The following MRTFB variants were observed in gnomAD, a reference collection of about 807,000 sequenced individuals.
MRTFB encodes the protein myocardin-related transcription factor B.
A neutral mutation model predicts 104.2 loss-of-function variants in MRTFB; 29 were observed. That is an observed-to-expected ratio of 0.28 (90% confidence interval 0.21 to 0.38). MRTFB has a LOEUF of 0.38. Among genes scored for constraint, MRTFB ranks in the 10% least tolerant of loss-of-function variants. MRTFB has a pLI of 1.00. For missense variants in MRTFB, 1,270 were observed against 1,341.6 expected, an observed-to-expected ratio of 0.95 and a Z score of 0.83; for synonymous variants, 535 against 519.5, an observed-to-expected ratio of 1.03 and a Z score of -0.41.
chr16:14,030,913 G>C, the MRTFB span, among the ~76,000 whole-genome samples: 3 of 152,200 alleles, frequency 2.0e-5, no homozygotes, highest in Admixed American at 2.0e-4. Flanking sequence ...AGACTCCCTA[G>C]AAGTGATTCT....
intron 3 of MRTFB, among the ~76,000 whole-genome samples, chr16:14,167,240 C>T (rs1321540015): frequency 1.3e-5 from 2 of 152,186 alleles, no homozygotes; most frequent in Non-Finnish European, 2.9e-5. Context: ...TTTTGATTTG[C>T]ATTTCTCTAA....
chr16:14,161,678 AAT>A (rs1291173123), intron 3 of MRTFB, among the ~76,000 whole-genome samples: 1 of 152,162 alleles, frequency 6.6e-6, no homozygotes, highest in Non-Finnish European at 1.5e-5. Flanking sequence ...GGTAAATCTC[AAT>A]ATATATATTG....
chr16:14,209,880 G>A (rs1028993466), intron 3 of MRTFB, among the ~76,000 whole-genome samples: 2 of 152,246 alleles, frequency 1.3e-5, no homozygotes, highest in East Asian at 1.9e-4. Flanking sequence ...ACTAAGATGT[G>A]TCAAAGAATT....
At chr16:14,058,161 G>A in the MRTFB span, among the ~76,000 whole-genome samples, 2 of 152,308 alleles carry the variant, frequency 1.3e-5, no homozygotes, top group African/African-American at 4.8e-5. Flanking sequence ...CTTCCCGGGG[G>A]TGCCAGGAGT....
intron 3 of MRTFB, chr16:14,201,013 C>A: frequency 1.4e-6 from 2 of 1,461,234 alleles, no homozygotes; most frequent in Non-Finnish European, 1.9e-6. Context: ...TGGGGAACAA[C>A]TGAAGAGATA....
chr16:14,057,728 A>G, the MRTFB span, among the ~76,000 whole-genome samples: 1 of 150,268 alleles, frequency 6.7e-6, no homozygotes, highest in South Asian at 2.2e-4. Flanking sequence ...TGCTTCGCTG[A>G]AAACCCAAAT....
chr16:14,157,616 T>A (rs2038874072), intron 3 of MRTFB, among the ~76,000 whole-genome samples: 1 of 152,136 alleles, frequency 6.6e-6, no homozygotes. Flanking sequence ...AGTAGTGGGC[T>A]TGGTGAGGGA....
At chr16:14,134,885 A>G (rs1330189607) in intron 2 of MRTFB, among the ~76,000 whole-genome samples, 1 of 152,202 alleles carries the variant, frequency 6.6e-6, no homozygotes, top group African/African-American at 2.4e-5. Context: ...TGGCTTTCTC[A>G]TCTATAAAAT....
At chr16:14,083,917 A>AT (rs2034556236) in intron 2 of MRTFB, among the ~76,000 whole-genome samples, 1 of 152,094 alleles carries the variant, frequency 6.6e-6, no homozygotes, top group Non-Finnish European at 1.5e-5. Context: ...AAAAAATAGT[A>AT]TTTTTTTGAG....
intron 2 of MRTFB, among the ~76,000 whole-genome samples, chr16:14,094,405 G>T (rs910015659): frequency 3.9e-5 from 6 of 152,188 alleles, no homozygotes; most frequent in Non-Finnish European, 8.8e-5. Context: ...AGGCTGAAGT[G>T]TTGCCTAGCA....
chr16:14,157,040 ACATG>A (rs767747200), intron 3 of MRTFB, among the ~76,000 whole-genome samples: 4 of 152,254 alleles, frequency 2.6e-5, no homozygotes, highest in Admixed American at 6.5e-5. Context: ...TTGGAAATTT[ACATG>A]CATATAAACT....
intron 2 of MRTFB, among the ~76,000 whole-genome samples, chr16:14,088,149 G>GT (rs967569615): frequency 2.0e-5 from 3 of 152,146 alleles, no homozygotes; most frequent in Non-Finnish European, 4.4e-5. Context: ...GCCGGTGACT[G>GT]TTACTTATAC....
At chr16:14,174,085 T>A (rs1043439235) in intron 3 of MRTFB, among the ~76,000 whole-genome samples, 1 of 152,188 alleles carries the variant, frequency 6.6e-6, no homozygotes, top group African/African-American at 2.4e-5. Context: ...ATGTATAATT[T>A]TTTTTGAGGA....
chr16:14,015,697 T>G, the MRTFB span, among the ~76,000 whole-genome samples: 1 of 152,124 alleles, frequency 6.6e-6, no homozygotes, highest in Non-Finnish European at 1.5e-5. Flanking sequence ...TTCTGACCCT[T>G]GGTTTTCTGC....
the MRTFB span, among the ~76,000 whole-genome samples, chr16:14,036,384 G>T: frequency 2.2e-5 from 3 of 137,736 alleles, no homozygotes; most frequent in Non-Finnish European, 3.1e-5. Context: ...AACCTGCCAA[G>T]CTCAAAATAA....
chr16:14,075,092 C>T (rs960869152), intron 1 of MRTFB, among the ~76,000 whole-genome samples: 4 of 152,138 alleles, frequency 2.6e-5, no homozygotes, highest in African/African-American at 9.7e-5. Context: ...TAAATTGGAT[C>T]TCAGTGAATT....
At chr16:14,075,283 C>G (rs573824272) in intron 1 of MRTFB, among the ~76,000 whole-genome samples, 1 of 152,192 alleles carries the variant, frequency 6.6e-6, no homozygotes, top group African/African-American at 2.4e-5. Flanking sequence ...AGACCCTTTG[C>G]GTACCTTCTT....
At chr16:14,015,046 A>G in the MRTFB span, among the ~76,000 whole-genome samples, 2 of 151,992 alleles carry the variant, frequency 1.3e-5, no homozygotes, top group Admixed American at 6.6e-5. Context: ...ATTTCATACT[A>G]TTGTTTGGTT....
At chr16:14,113,381 A>G (rs552832855) in intron 2 of MRTFB, among the ~76,000 whole-genome samples, 4 of 152,324 alleles carry the variant, frequency 2.6e-5, no homozygotes, top group South Asian at 4.1e-4. Flanking sequence ...CCCTACACCT[A>G]GCAGAGAAAT....
Sources: allele counts gnomAD v4.1 joint callset (sites outside exome capture counted in the v4.1 genomes callset), GRCh38; gene constraint gnomAD v4.1.1; transcripts MANE v1.5; gene names NCBI Gene and HGNC (gene_info 2026-07-23, HGNC 2026-07-21).